Variants in PRR11 observed in about 807,000 individuals in gnomAD.
PRR11 encodes proline-rich protein 11.
In PRR11, 30 loss-of-function variants were observed where a neutral mutation model predicts 45.6. The ratio of observed to expected loss-of-function variants is 0.66; its 90% CI spans 0.49 to 0.89. PRR11 has a LOEUF of 0.89. PRR11 is among the 40% of genes least tolerant of loss of function. The pLI, the probability that PRR11 is intolerant of heterozygous loss-of-function variation, is 0.00. For synonymous variants in PRR11, 128 were observed against 153.5 expected (o/e 0.83, Z 1.23); for missense variants, 373 against 424.8 (o/e 0.88, Z 1.07).
chr17:59,164,042 C>G (rs2046667072), intron 1 of PRR11, among the ~76,000 whole-genome samples: 1 of 152,096 alleles, frequency 6.6e-6, no homozygotes, highest in Non-Finnish European at 1.5e-5. Context: ...GCACTCCAGC[C>G]TGGGCGACAG....
intron 2 of PRR11, chr17:59,178,573 G>T: frequency 1.9e-6 from 1 of 524,798 alleles, no homozygotes; most frequent in Non-Finnish European, 3.8e-6. Flanking sequence ...AGCAGGACAG[G>T]GTTTCCGTGG....
intron 2 of PRR11, among the ~76,000 whole-genome samples, chr17:59,184,094 G>A (rs889640957): frequency 1.3e-5 from 2 of 152,120 alleles, no homozygotes; most frequent in African/African-American, 4.8e-5. Flanking sequence ...AACACAGCAA[G>A]ACGTTGTGTC....
chr17:59,157,181 G>T (rs2046629740), intron 1 of PRR11, among the ~76,000 whole-genome samples: 2 of 152,152 alleles, frequency 1.3e-5, no homozygotes, highest in South Asian at 2.1e-4. Context: ...TAGCAGGAAT[G>T]CTTCTTTTCA....
intron 4 of PRR11, among the ~76,000 whole-genome samples, chr17:59,190,479 CAA>C (rs1002787885): frequency 5.5e-5 from 7 of 126,478 alleles, no homozygotes; most frequent in African/African-American, 3.0e-5. Context: ...GACTCCATCT[CAA>C]AAAAAAAAAA....
intron 4 of PRR11, among the ~76,000 whole-genome samples, chr17:59,189,658 G>A (rs888752872): frequency 2.0e-5 from 3 of 151,902 alleles, no homozygotes; most frequent in African/African-American, 7.3e-5. Context: ...GAGACTAGGT[G>A]GGACTCCAAA....
intron 1 of PRR11, among the ~76,000 whole-genome samples, chr17:59,168,849 T>G (rs1297488216): frequency 6.6e-6 from 1 of 152,184 alleles, no homozygotes; most frequent in South Asian, 2.1e-4. Context: ...CTGCATTGCA[T>G]TGACAGATTG....
In PRR11 at chr17:59,206,042, C is replaced by A. The variant is rs2046916742; in HGVS notation, c.*4411C>A. Among the ~76,000 whole-genome samples, 1 of 150,850 alleles carries A rather than the reference C, an allele frequency of 6.6e-6. No individual in the cohort carries two copies. The highest frequency in any genetic ancestry group is 2.4e-5 in the African/African-American group (1 of 41,010). On this transcript the variant is annotated 3_prime_UTR_variant, in exon 10 of 10. Coordinates refer to ENST00000262293, the MANE Select transcript of PRR11 (RefSeq NM_018304.4). ...CTACAGTCTGGGCAACAGAGTGAGA[C>A]CTTGTCTCAAAAAAAAAAGAAAGAA...
intron 1 of PRR11, among the ~76,000 whole-genome samples, chr17:59,159,233 T>C (rs2046640280): frequency 6.6e-6 from 1 of 152,230 alleles, no homozygotes; most frequent in Non-Finnish European, 1.5e-5. Context: ...CCACTCCTTA[T>C]ACATGGTGTT....
chr17:59,185,702 A>G, intron 4 of PRR11, 140 bp downstream of exon 4: 1 of 710,502 alleles, frequency 1.4e-6, no homozygotes, highest in South Asian at 2.0e-5. Context: ...CTTTGTTAGC[A>G]AGGAATACAA....
intron 1 of PRR11, among the ~76,000 whole-genome samples, chr17:59,164,765 GC>G (rs2046670956): frequency 6.6e-6 from 1 of 151,790 alleles, no homozygotes; most frequent in Admixed American, 6.6e-5. Flanking sequence ...TGTAATCCCA[GC>G]TACTCCGGAA....
At chr17:59,188,477 A>G (rs564758784) in intron 4 of PRR11, among the ~76,000 whole-genome samples, 2 of 152,276 alleles carry the variant, frequency 1.3e-5, no homozygotes, top group South Asian at 4.1e-4. Context: ...GAAAACTTAC[A>G]AAGAAAACTG....
intron 2 of PRR11, chr17:59,179,786 T>A: frequency 7.3e-7 from 1 of 1,368,012 alleles, no homozygotes; most frequent in South Asian, 1.2e-5. Flanking sequence ...CTTCTCTGGC[T>A]CCTCCTCCGA....
At chr17:59,187,293 G>T (rs2046818746) in intron 4 of PRR11, among the ~76,000 whole-genome samples, 1 of 152,134 alleles carries the variant, frequency 6.6e-6, no homozygotes. Context: ...TGAATCAGGG[G>T]CTGGGCGCGG....
intron 2 of PRR11, among the ~76,000 whole-genome samples, chr17:59,173,351 A>G (rs747209766): frequency 1.3e-5 from 2 of 152,138 alleles, no homozygotes; most frequent in Non-Finnish European, 2.9e-5. Flanking sequence ...AGTGGGGGCC[A>G]CTTTCACGCT....
chr17:59,194,428 C>T (rs750802369), intron 5 of PRR11, among the ~76,000 whole-genome samples: 2 of 151,990 alleles, frequency 1.3e-5, no homozygotes, highest in Non-Finnish European at 2.9e-5. Flanking sequence ...CACTTTAACC[C>T]GATTAACTCC....
At chr17:59,164,983 A>T (rs1003880501) in intron 1 of PRR11, among the ~76,000 whole-genome samples, 4 of 151,492 alleles carry the variant, frequency 2.6e-5, no homozygotes, top group Non-Finnish European at 4.4e-5. Context: ...AAATATCTTC[A>T]TCAGAGTATT....
intron 4 of PRR11, among the ~76,000 whole-genome samples, chr17:59,186,573 T>C (rs897876900): frequency 5.3e-5 from 8 of 150,380 alleles, no homozygotes; most frequent in Non-Finnish European, 1.2e-4. Flanking sequence ...TTTTAGTTTT[T>C]TATAGGGATG....
intron 1 of PRR11, among the ~76,000 whole-genome samples, chr17:59,162,271 A>G (rs886953904): frequency 1.2e-4 from 18 of 150,554 alleles, no homozygotes; most frequent in Non-Finnish European, 1.9e-4. Flanking sequence ...GAGAGAGAGA[A>G]AGAAATATGA....
At chr17:59,161,284 G>A (rs889760835) in intron 1 of PRR11, among the ~76,000 whole-genome samples, 4 of 151,940 alleles carry the variant, frequency 2.6e-5, no homozygotes, top group South Asian at 2.1e-4. Context: ...GTGTGTGCCT[G>A]TAGTCCCAGC....
Sources: gnomAD v4.1 joint callset for allele counts (sites outside exome capture counted in the v4.1 genomes callset) on GRCh38, gnomAD v4.1.1 for gene constraint, MANE v1.5 for transcripts, NCBI Gene and HGNC (gene_info 2026-07-23, HGNC 2026-07-21) for gene names.